The following RAPGEF2 variants were observed in gnomAD, a reference collection of about 807,000 sequenced individuals.
RAPGEF2 encodes Rap guanine nucleotide exchange factor 2, also known as PDZ domain containing guanine nucleotide exchange factor (GEF) 1.
Under a neutral mutation model 186.7 loss-of-function variants are expected in RAPGEF2, and 54 were observed. The observed-to-expected ratio is 0.29, with a 90% CI of 0.23 to 0.36. The LOEUF (loss-of-function observed/expected upper bound fraction) is 0.36, where lower values mean the gene tolerates loss of function less well. Ranked by LOEUF, RAPGEF2 falls within the 10% of genes least tolerant of loss-of-function variation. The probability of loss-of-function intolerance (pLI) is 1.00; values close to 1 mark genes in which losing one functional copy is unlikely to be tolerated. For missense variants in RAPGEF2, 1,532 were observed against 2,045.0 expected, an observed-to-expected ratio of 0.75 and a Z score of 4.84; for synonymous variants, 712 against 705.9, an observed-to-expected ratio of 1.01 and a Z score of -0.14.
At chr4:159,300,632 T>C (rs906366822) in intron 7 of RAPGEF2, among the ~76,000 whole-genome samples, 1 of 146,436 alleles carries the variant, frequency 6.8e-6, no homozygotes, top group Non-Finnish European at 1.5e-5. Flanking sequence ...GCTTTATAAA[T>C]TTTATTTTTT....
At chr4:159,325,745 A>AATAT (rs1765838192) in intron 11 of RAPGEF2, among the ~76,000 whole-genome samples, 1 of 152,194 alleles carries the variant, frequency 6.6e-6, no homozygotes, top group Admixed American at 6.5e-5. Context: ...TATATGACTG[A>AATAT]ATATTACAGA....
chr4:159,147,303 G>T (rs1743051666), intron 1 of RAPGEF2, among the ~76,000 whole-genome samples: 1 of 151,036 alleles, frequency 6.6e-6, no homozygotes, highest in African/African-American at 2.4e-5. Context: ...AAAAGAAAAA[G>T]AAATGGTTTG....
chr4:159,297,120 G>C (rs761851819), intron 7 of RAPGEF2, among the ~76,000 whole-genome samples: 3 of 152,294 alleles, frequency 2.0e-5, no homozygotes, highest in Non-Finnish European at 4.4e-5. Flanking sequence ...TATTTGGACA[G>C]CAAGCCATGT....
intron 7 of RAPGEF2, among the ~76,000 whole-genome samples, chr4:159,283,735 G>A (rs1005037977): frequency 5.3e-5 from 8 of 152,144 alleles, no homozygotes; most frequent in Admixed American, 1.3e-4. Context: ...ATGAAAAACA[G>A]AAAGAGGAAA....
At chr4:159,345,954 G>A (rs932687129) in intron 24 of RAPGEF2, among the ~76,000 whole-genome samples, 1 of 151,888 alleles carries the variant, frequency 6.6e-6, no homozygotes, top group Non-Finnish European at 1.5e-5. Flanking sequence ...GATGTCTTCT[G>A]TAGGATTTAA....
At chr4:159,185,736 A>G (rs921057516) in intron 1 of RAPGEF2, among the ~76,000 whole-genome samples, 1 of 152,156 alleles carries the variant, frequency 6.6e-6, no homozygotes, top group African/African-American at 2.4e-5. Context: ...ATGTTCTGAA[A>G]TTAGTGAGAT....
intron 9 of RAPGEF2, among the ~76,000 whole-genome samples, chr4:159,321,021 A>G (rs1027526295): frequency 5.3e-5 from 8 of 152,076 alleles, no homozygotes; most frequent in Non-Finnish European, 1.0e-4. Context: ...AGTAAAGCAG[A>G]TATTGTATTT....
At chr4:159,309,878 T>A (rs1017913925) in intron 8 of RAPGEF2, among the ~76,000 whole-genome samples, 2 of 152,216 alleles carry the variant, frequency 1.3e-5, no homozygotes, top group South Asian at 2.1e-4. Flanking sequence ...AAGAAAGTGA[T>A]GGATCATTCA....
rs557589938 is a variant in RAPGEF2, at chr4:159,120,953, C to T, written c.69+16722C>T. On this transcript the variant is annotated intron_variant, in intron 1 of 29. Transcript: ENST00000691494. ...CACTGCAACCTCTGCCTCCTGGGTTCGAGCGATTCTCCATCCTCTGCCTCC... is the reference window on the plus strand; with the variant it reads ...CACTGCAACCTCTGCCTCCTGGGTTTGAGCGATTCTCCATCCTCTGCCTCC... Among the ~76,000 whole-genome samples, 6 of 151,946 alleles carry T rather than the reference C, an allele frequency of 3.9e-5. No individual in the cohort carries two copies. The South Asian group carries it at 6.2e-4, about 16-fold the overall frequency.
chr4:159,311,428 G>A (rs1176034576), intron 8 of RAPGEF2, among the ~76,000 whole-genome samples: 3 of 152,174 alleles, frequency 2.0e-5, no homozygotes, highest in Non-Finnish European at 4.4e-5. Context: ...CTGCTATGGG[G>A]AGAGGTAGAA....
In RAPGEF2 at chr4:159,350,254, C is replaced by T; in HGVS notation, c.3830C>T (p.Ser1277Phe). ...TCAAATGCATCTTCGCAGCTTTCTT[C>T]TCCTCCTACTTCTCCACAGAGTTCT... ...TISNASSQLS[S>F]PPTSPQSSPR... The change falls in exon 26 of 30, where the codon TCT becomes TTT. Residue 1277 changes from serine to phenylalanine, a missense_variant. By Grantham distance (155) the Ser-to-Phe change is radical. Around this residue, in one of 4 missense-constraint regions of RAPGEF2, gnomAD observed 594 missense variants for 608.5 expected, o/e 0.98. Transcript: ENST00000691494. The T allele has an allele frequency of 6.3e-7, 1 of 1,598,498 alleles. No homozygotes were observed. Among genetic ancestry groups the T allele is most frequent in the Non-Finnish European group, 8.5e-7 (1 of 1,173,236 alleles).
intron 1 of RAPGEF2, among the ~76,000 whole-genome samples, chr4:159,128,397 T>C (rs1042022353): frequency 1.3e-5 from 2 of 152,122 alleles, no homozygotes; most frequent in African/African-American, 4.8e-5. Context: ...AAGTTTAATA[T>C]ATGAGAAAGT....
At chr4:159,137,340 C>T (rs1473867862) in intron 1 of RAPGEF2, among the ~76,000 whole-genome samples, 1 of 152,178 alleles carries the variant, frequency 6.6e-6, no homozygotes, top group East Asian at 1.9e-4. Context: ...ACAGCCTTTC[C>T]TCAGCTCATA....
chr4:159,323,577 A>G lies in RAPGEF2; in HGVS notation c.1109A>G (p.Tyr370Cys). Reference sequence around the variant, plus strand: ...GTCTCTCCTACCATGGACAAAGAATACATGAAAGGAGTGATGAGAACAAAG... The same window carrying G: ...GTCTCTCCTACCATGGACAAAGAATGCATGAAAGGAGTGATGAGAACAAAG... Reference protein sequence around the residue: ...FGVSPTMDKEYMKGVMRTKVD... With the variant: ...FGVSPTMDKECMKGVMRTKVD... The change falls in exon 11 of 30, where the codon TAC becomes TGC. Residue 370 changes from tyrosine to cysteine, a missense_variant. Physicochemically the swap from Tyr to Cys is radical, Grantham distance 194. Transcript: ENST00000691494. 1.2e-6 allele frequency: 2 copies of G among 1,610,402 alleles called. No homozygotes were observed. Among genetic ancestry groups the G allele is most frequent in the South Asian group, 1.1e-5 (1 of 90,614 alleles).
intron 7 of RAPGEF2, among the ~76,000 whole-genome samples, 169 bp downstream of exon 7, chr4:159,243,960 C>T (rs1210769848): frequency 6.6e-6 from 1 of 151,878 alleles, no homozygotes; most frequent in Non-Finnish European, 1.5e-5. Flanking sequence ...GAATAGGCTG[C>T]TTGATCTGTA....
intron 7 of RAPGEF2, among the ~76,000 whole-genome samples, chr4:159,254,114 GAT>G (rs1755839169): frequency 6.6e-6 from 1 of 152,158 alleles, no homozygotes; most frequent in African/African-American, 2.4e-5. Flanking sequence ...AATGGGTGGA[GAT>G]ATAATGTAAT....
At chr4:159,238,994 A>G in intron 5 of RAPGEF2, 110 bp downstream of exon 5, 4 of 538,308 alleles carry the variant, frequency 7.4e-6, no homozygotes, top group Non-Finnish European at 1.2e-5. Context: ...AAAATATTGT[A>G]TATTTTCTAT....
At chr4:159,346,726 C>T in intron 24 of RAPGEF2, 63 bp from the exon 25 acceptor site, 14 of 1,348,694 alleles carry the variant, frequency 1.0e-5, no homozygotes, top group Non-Finnish European at 1.5e-5. Flanking sequence ...CTAGAATTAT[C>T]TTCTACATAC....
intron 4 of RAPGEF2, among the ~76,000 whole-genome samples, chr4:159,224,354 C>T (rs1342011267): frequency 6.6e-6 from 1 of 152,182 alleles, no homozygotes; most frequent in East Asian, 1.9e-4. Context: ...TGCTTGATTA[C>T]CACTCAAGCC....
Sources: allele counts gnomAD v4.1 joint callset (sites outside exome capture counted in the v4.1 genomes callset), GRCh38; gene constraint gnomAD v4.1.1; regional missense constraint gnomAD v4.1.1; transcripts MANE v1.5; gene names NCBI Gene and HGNC (gene_info 2026-07-23, HGNC 2026-07-21).